MYO18B: variants seen among roughly 807,000 people sequenced by gnomAD.
MYO18B encodes unconventional myosin-XVIIIb.
Under a neutral mutation model 273.0 loss-of-function variants are expected in MYO18B, and 204 were observed. The ratio of observed to expected loss-of-function variants is 0.75; its 90% CI spans 0.67 to 0.84. The LOEUF (loss-of-function observed/expected upper bound fraction) is 0.84. Ranked by LOEUF, MYO18B falls within the 40% of genes least tolerant of loss-of-function variation. MYO18B has a pLI of 0.00. For missense variants in MYO18B, 3,212 were observed against 3,287.6 expected (o/e 0.98, Z 0.56); for synonymous variants, 1,330 against 1,305.7 (o/e 1.02, Z -0.40).
chr22:25,947,539 CACA>C lies in MYO18B; in HGVS notation c.5632-172_5632-170del, dbSNP rs1569223398. ...ACACACACACACACACACACACACA[CACA>C]CCAAGCTGTTATACCTACCACATGC... On this transcript the variant is annotated intron_variant, in intron 35 of 43. Transcript: ENST00000335473. Among the ~76,000 whole-genome samples the C allele has an allele frequency of 3.5e-4, 50 of 141,900 alleles. 1 individual carries two copies. Among genetic ancestry groups the C allele is most frequent in the African/African-American group, 1.1e-3 (40 of 35,540 alleles). The allele number at this position is 141,900 out of a possible 152,430, so 93.1% of individuals were successfully genotyped here. A position where few individuals can be genotyped will look rare whatever the true frequency, so the allele number is the denominator to read the frequency against.
intron 12 of MYO18B, among the ~76,000 whole-genome samples, chr22:25,820,707 A>G (rs931698852): frequency 6.6e-6 from 1 of 152,108 alleles, no homozygotes; most frequent in African/African-American, 2.4e-5. Context: ...GCTATTTGAA[A>G]CTATATAATA....
intron 25 of MYO18B, among the ~76,000 whole-genome samples, chr22:25,890,441 C>T (rs2091626481): frequency 6.6e-6 from 1 of 152,194 alleles, no homozygotes; most frequent in Non-Finnish European, 1.5e-5. Flanking sequence ...GTGCCAGGCA[C>T]CGTGCTAAGC....
chr22:26,005,548 T>C (rs1315499284), intron 42 of MYO18B, among the ~76,000 whole-genome samples: 3 of 152,214 alleles, frequency 2.0e-5, no homozygotes, highest in African/African-American at 4.8e-5. Context: ...TTCTTGCTTT[T>C]CAGCTCCATT....
intron 23 of MYO18B, among the ~76,000 whole-genome samples, chr22:25,874,669 G>C (rs1166538378): frequency 2.0e-5 from 3 of 152,186 alleles, no homozygotes; most frequent in Non-Finnish European, 4.4e-5. Flanking sequence ...ACTTCAACCT[G>C]TCTTGTTTCT....
At chr22:25,963,178 T>TCTCACACACACA (rs774304270) in intron 39 of MYO18B, among the ~76,000 whole-genome samples, 7 of 144,180 alleles carry the variant, frequency 4.9e-5, no homozygotes, top group African/African-American at 1.6e-4. Context: ...TCTCTCTCTC[T>TCTCACACACACA]CACACACACA....
chr22:25,850,949 T>C (rs1338106992), intron 20 of MYO18B, among the ~76,000 whole-genome samples: 1 of 152,190 alleles, frequency 6.6e-6, no homozygotes, highest in African/African-American at 2.4e-5. Context: ...GTTCCCCACA[T>C]AGAAGGATGC....
intron 38 of MYO18B, among the ~76,000 whole-genome samples, chr22:25,953,187 A>G (rs1225682373): frequency 6.6e-6 from 1 of 152,206 alleles, no homozygotes; most frequent in Non-Finnish European, 1.5e-5. Context: ...TCTGTAGGCC[A>G]GTGACATGGG....
intron 39 of MYO18B, among the ~76,000 whole-genome samples, chr22:25,978,076 G>A (rs935212443): frequency 6.6e-6 from 1 of 152,186 alleles, no homozygotes; most frequent in African/African-American, 2.4e-5. Flanking sequence ...ACTACACGAG[G>A]TATTTGGGAT....
chr22:25,906,706 C>T lies in MYO18B; in HGVS notation c.5149-1616C>T, dbSNP rs372165130. Among the ~76,000 whole-genome samples the T allele has an allele frequency of 8.9e-4, 136 of 152,140 alleles. 6 individuals are homozygous for T. In the South Asian group the frequency reaches 0.027, roughly 30 times the overall value. On this transcript the variant is annotated intron_variant, in intron 31 of 43. Coordinates refer to ENST00000335473, the MANE Select transcript of MYO18B (RefSeq NM_032608.7). Reference sequence around the variant, plus strand: ...AAGAGGTTTAATTGACTCACAGTTCCACATGGCTGGGGAGGCCTCAGGAAA... The same window carrying T: ...AAGAGGTTTAATTGACTCACAGTTCTACATGGCTGGGGAGGCCTCAGGAAA...
the MYO18B span, among the ~76,000 whole-genome samples, chr22:26,052,524 C>A: frequency 6.6e-6 from 1 of 152,282 alleles, no homozygotes; most frequent in South Asian, 2.1e-4. Context: ...CTCAGCATTC[C>A]CATCATCCCC....
chr22:25,875,179 A>G (rs1188430540), intron 23 of MYO18B, among the ~76,000 whole-genome samples: 1 of 152,220 alleles, frequency 6.6e-6, no homozygotes, highest in Non-Finnish European at 1.5e-5. Context: ...CATGTAGCTC[A>G]TACCTTGGAA....
chr22:25,928,752 T>G (rs2092456598), intron 34 of MYO18B, among the ~76,000 whole-genome samples: 1 of 152,142 alleles, frequency 6.6e-6, no homozygotes, highest in Non-Finnish European at 1.5e-5. Flanking sequence ...GTCAGCTGCC[T>G]TGCATAGAGT....
intron 39 of MYO18B, among the ~76,000 whole-genome samples, chr22:25,986,434 T>C (rs755914687): frequency 6.6e-5 from 10 of 152,244 alleles, no homozygotes; most frequent in Non-Finnish European, 1.0e-4. Context: ...TAATAGCCAT[T>C]GCTACCACTT....
intron 11 of MYO18B, among the ~76,000 whole-genome samples, chr22:25,790,162 C>CAAAA (rs200342998): frequency 9.2e-5 from 14 of 152,254 alleles, no homozygotes; most frequent in African/African-American, 2.4e-4. Context: ...CAAAAAAAAA[C>CAAAA]AACAAACTTT....
At chr22:25,872,272 C>T (rs907561063) in intron 22 of MYO18B, among the ~76,000 whole-genome samples, 1 of 152,094 alleles carries the variant, frequency 6.6e-6, no homozygotes, top group Non-Finnish European at 1.5e-5. Flanking sequence ...AATGGAGAAT[C>T]GATCGAGACC....
chr22:25,962,358 AC>A (rs1436504148), intron 39 of MYO18B, among the ~76,000 whole-genome samples: 1 of 152,208 alleles, frequency 6.6e-6, no homozygotes, highest in Non-Finnish European at 1.5e-5. Context: ...AGAAGACTTT[AC>A]TTGACTCGGG....
intron 20 of MYO18B, among the ~76,000 whole-genome samples, chr22:25,849,514 A>C (rs2090359699): frequency 6.6e-6 from 1 of 152,156 alleles, no homozygotes; most frequent in African/African-American, 2.4e-5. Flanking sequence ...TGTGATGCAT[A>C]CTCATGCATG....
chr22:25,949,675 A>G (rs778182014), intron 36 of MYO18B, among the ~76,000 whole-genome samples: 4 of 152,220 alleles, frequency 2.6e-5, no homozygotes, highest in Non-Finnish European at 5.9e-5. Flanking sequence ...GCCTATGCCA[A>G]TGTCTCCACT....
intron 21 of MYO18B, among the ~76,000 whole-genome samples, chr22:25,852,731 C>CT (rs2090460602): frequency 6.6e-6 from 1 of 152,166 alleles, no homozygotes; most frequent in African/African-American, 2.4e-5. Context: ...TCCTTGGACT[C>CT]AAGTTTCTCA....
Sources: allele counts gnomAD v4.1 joint callset (sites outside exome capture counted in the v4.1 genomes callset), GRCh38; gene constraint gnomAD v4.1.1; transcripts MANE v1.5; gene names NCBI Gene and HGNC (gene_info 2026-07-23, HGNC 2026-07-21).